Variants in ARL15 observed in about 807,000 individuals in gnomAD.
ARL15 encodes ARF like GTPase 15.
In ARL15, 19 loss-of-function variants were observed where a neutral mutation model predicts 25.2. The observed-to-expected ratio is 0.75, with a 90% CI of 0.53 to 1.10. The LOEUF (loss-of-function observed/expected upper bound fraction) is 1.10, where lower values mean the gene tolerates loss of function less well. Ranked by LOEUF, ARL15 falls within the 50% of genes least tolerant of loss-of-function variation. The pLI, the probability that ARL15 is intolerant of heterozygous loss-of-function variation, is 0.00. For synonymous variants in ARL15, 94 were observed against 86.8 expected, an observed-to-expected ratio of 1.08 and a Z score of -0.46; for missense variants, 220 against 246.0, an observed-to-expected ratio of 0.89 and a Z score of 0.71.
chr5:54,289,854 A>G (rs1215449721), intron 1 of ARL15, among the ~76,000 whole-genome samples: 1 of 152,222 alleles, frequency 6.6e-6, no homozygotes, highest in African/African-American at 2.4e-5. Context: ...TAATTGACAT[A>G]TAATGTATAT....
At chr5:54,127,058 T>C (rs1753277044) in intron 3 of ARL15, among the ~76,000 whole-genome samples, 1 of 151,934 alleles carries the variant, frequency 6.6e-6, no homozygotes, top group Non-Finnish European at 1.5e-5. Context: ...TGTCCATGTG[T>C]TCTCATTGTT....
chr5:54,090,326 C>T (rs542061381), intron 4 of ARL15, among the ~76,000 whole-genome samples: 113 of 151,860 alleles, frequency 7.4e-4, no homozygotes, highest in Non-Finnish European at 1.4e-3. Flanking sequence ...CAGAAGAATG[C>T]ATTTAGCATG....
chr5:54,256,353 G>C lies in ARL15; in HGVS notation c.48+54079C>G, dbSNP rs144739823. Among the ~76,000 whole-genome samples the C allele has an allele frequency of 7.7e-3, 1,056 of 136,362 alleles. 15 individuals are homozygous for C. Among genetic ancestry groups the C allele is most frequent in the African/African-American group, 0.027 (990 of 37,304 alleles). 89.5% of individuals were successfully genotyped at this position (136,362 alleles called of 152,430 possible). On this transcript the variant is annotated intron_variant, in intron 1 of 4. Transcript: ENST00000504924. ...TGGAAACCTACAACCCTCCTAGCTT[G>C]AATCAGGAAGAAATAGAAATCCTGA...
At chr5:53,887,447 C>T (rs1207612491) in intron 4 of ARL15, 2 of 693,328 alleles carry the variant, frequency 2.9e-6, no homozygotes, top group African/African-American at 3.5e-5. Context: ...AATTAATAAC[C>T]AGTCACAAGT....
At chr5:54,033,962 C>T (rs1032250936) in intron 4 of ARL15, among the ~76,000 whole-genome samples, 2 of 151,970 alleles carry the variant, frequency 1.3e-5, no homozygotes, top group Non-Finnish European at 2.9e-5. Flanking sequence ...TACAGGTGCC[C>T]GCCACCATGC....
At chr5:53,948,030 G>A (rs1184813118) in intron 4 of ARL15, among the ~76,000 whole-genome samples, 1 of 152,090 alleles carries the variant, frequency 6.6e-6, no homozygotes, top group Non-Finnish European at 1.5e-5. Context: ...GGAGGTTGCA[G>A]AAGGAAACAA....
chr5:54,298,070 T>G (rs1046514034), intron 1 of ARL15, among the ~76,000 whole-genome samples: 1 of 152,120 alleles, frequency 6.6e-6, no homozygotes, highest in Non-Finnish European at 1.5e-5. Flanking sequence ...CGTGAGAAAG[T>G]AGAAGAAAGT....
At chr5:53,984,074 C>G (rs60155017) in intron 4 of ARL15, among the ~76,000 whole-genome samples, 1 of 152,120 alleles carries the variant, frequency 6.6e-6, no homozygotes, top group African/African-American at 2.4e-5. Context: ...AGAGAGTGAC[C>G]GCCCTGGATA....
intron 3 of ARL15, among the ~76,000 whole-genome samples, chr5:54,143,219 G>A (rs1753818096): frequency 6.6e-6 from 1 of 151,986 alleles, no homozygotes; most frequent in Admixed American, 6.5e-5. Flanking sequence ...CCTACTAATT[G>A]TGGATCGATC....
intron 2 of ARL15, among the ~76,000 whole-genome samples, chr5:54,156,271 T>G (rs901623332): frequency 6.6e-6 from 1 of 152,188 alleles, no homozygotes; most frequent in Non-Finnish European, 1.5e-5. Flanking sequence ...AGAACTAGGT[T>G]GAAATTCTAG....
intron 1 of ARL15, among the ~76,000 whole-genome samples, chr5:54,173,185 G>GAA (rs551489130): frequency 5.0e-5 from 6 of 121,068 alleles, no homozygotes; most frequent in South Asian, 2.7e-4. Flanking sequence ...CTCCATCTCA[G>GAA]AAAAAAAAAA....
intron 4 of ARL15, among the ~76,000 whole-genome samples, chr5:53,965,198 GA>G (rs1227742753): frequency 4.6e-5 from 7 of 152,166 alleles, no homozygotes; most frequent in Non-Finnish European, 8.8e-5. Flanking sequence ...GGACCTTGCA[GA>G]GTCCTTAGAA....
At chr5:54,305,582 GAACT>G (rs1208696784) in intron 1 of ARL15, among the ~76,000 whole-genome samples, 1 of 152,140 alleles carries the variant, frequency 6.6e-6, no homozygotes, top group African/African-American at 2.4e-5. Context: ...AGCTATCATA[GAACT>G]AACTAACATA....
intron 4 of ARL15, among the ~76,000 whole-genome samples, chr5:54,068,415 T>C (rs1012971090): frequency 1.3e-5 from 2 of 152,238 alleles, no homozygotes; most frequent in Non-Finnish European, 2.9e-5. Flanking sequence ...CCAACATTTA[T>C]GGAAAATCGA....
At chr5:54,260,185 T>C (rs1467569281) in intron 1 of ARL15, among the ~76,000 whole-genome samples, 1 of 152,154 alleles carries the variant, frequency 6.6e-6, no homozygotes, top group Non-Finnish European at 1.5e-5. Context: ...GGAATGCACA[T>C]CCTGCACTCT....
chr5:54,063,269 G>C (rs1332795962), intron 4 of ARL15, among the ~76,000 whole-genome samples: 1 of 152,196 alleles, frequency 6.6e-6, no homozygotes, highest in Non-Finnish European at 1.5e-5. Context: ...TCTGTGGCTT[G>C]ATAGACGTTT....
At chr5:54,028,054 G>T (rs1210982720) in intron 4 of ARL15, among the ~76,000 whole-genome samples, 2 of 151,816 alleles carry the variant, frequency 1.3e-5, no homozygotes, top group East Asian at 3.9e-4. Context: ...CCTAGTAGGT[G>T]GGATTACAGG....
intron 1 of ARL15, among the ~76,000 whole-genome samples, chr5:54,208,985 T>C (rs955716024): frequency 6.6e-6 from 1 of 152,136 alleles, no homozygotes; most frequent in Non-Finnish European, 1.5e-5. Flanking sequence ...ATTGACTGAA[T>C]GATGAGGACG....
chr5:53,997,821 TA>T (rs1050509167), intron 4 of ARL15, among the ~76,000 whole-genome samples: 2 of 151,764 alleles, frequency 1.3e-5, no homozygotes, highest in Non-Finnish European at 2.9e-5. Context: ...AATCTCCACT[TA>T]AAAAAAAGAA....
Sources: gnomAD v4.1 joint callset for allele counts (sites outside exome capture counted in the v4.1 genomes callset) on GRCh38, gnomAD v4.1.1 for gene constraint, MANE v1.5 for transcripts, NCBI Gene and HGNC (gene_info 2026-07-23, HGNC 2026-07-21) for gene names.